The following KRABD3 variants were observed in gnomAD, a reference collection of about 807,000 sequenced individuals.
KRABD3 encodes KRAB domain containing 3.
At chr7:149,721,398 C>G in the KRABD3 span, 3 of 1,607,080 alleles carry the variant, frequency 1.9e-6, no homozygotes, top group Non-Finnish European at 2.5e-6. Flanking sequence ...GCAAGAGAGC[C>G]CTGCCCTCTC....
the KRABD3 span, chr7:149,724,775 G>A: frequency 1.5e-5 from 24 of 1,583,734 alleles, no homozygotes; most frequent in Non-Finnish European, 2.0e-5. Flanking sequence ...CAGCCTGGCA[G>A]GCAGCCCCTC....
the KRABD3 span, chr7:149,733,231 C>G: frequency 3.1e-6 from 5 of 1,607,904 alleles, no homozygotes; most frequent in South Asian, 4.4e-5. Context: ...GGCTGCTCCC[C>G]CAGGGCCCGC....
chr7:149,720,930 G>A, the KRABD3 span: 29 of 1,613,568 alleles, frequency 1.8e-5, no homozygotes, highest in Non-Finnish European at 2.4e-5. Flanking sequence ...GGGCGCTATG[G>A]ACAGCCCCGA....
At chr7:149,720,842 G>T in the KRABD3 span, 1 of 1,588,508 alleles carries the variant, frequency 6.3e-7, no homozygotes, top group Admixed American at 1.8e-5. Context: ...CAGGGGGACA[G>T]CCCCGGCACA....
At chr7:149,728,540 T>A in the KRABD3 span, 1 of 1,613,394 alleles carries the variant, frequency 6.2e-7, no homozygotes, top group Non-Finnish European at 8.5e-7. Context: ...ACCAGGAAGC[T>A]CCCCACTGCA....
chr7:149,714,963 G>A, the KRABD3 span: 1 of 1,088,576 alleles, frequency 9.2e-7, no homozygotes, highest in Non-Finnish European at 1.2e-6. Context: ...CTTCTCCTGC[G>A]CGGACCTGGG....
chr7:149,734,395 C>T, the KRABD3 span: 11 of 244,494 alleles, frequency 4.5e-5, no homozygotes, highest in South Asian at 3.0e-4. Flanking sequence ...ACAGCTAGAG[C>T]GGCCAGGAGA....
At chr7:149,733,335 A>G in the KRABD3 span, 1 of 1,612,318 alleles carries the variant, frequency 6.2e-7, no homozygotes, top group Non-Finnish European at 8.5e-7. Flanking sequence ...CCGCCATGCC[A>G]CTGTGGGAAG....
chr7:149,731,644 C>T, the KRABD3 span: 1 of 1,554,410 alleles, frequency 6.4e-7, no homozygotes, highest in Non-Finnish European at 8.8e-7. Context: ...CGTCTCCCTG[C>T]CCCAAGGTCT....
At chr7:149,727,717 G>A in the KRABD3 span, among the ~76,000 whole-genome samples, 1 of 152,228 alleles carries the variant, frequency 6.6e-6, no homozygotes, top group African/African-American at 2.4e-5. Flanking sequence ...AACCCAAACT[G>A]CAGGATATTT....
chr7:149,731,371 C>T, the KRABD3 span, among the ~76,000 whole-genome samples: 2 of 152,320 alleles, frequency 1.3e-5, no homozygotes, highest in South Asian at 4.1e-4. Flanking sequence ...GATGCCCCAG[C>T]ACGCCCTTGG....
chr7:149,720,766 A>G, the KRABD3 span: 24 of 1,443,658 alleles, frequency 1.7e-5, no homozygotes, highest in Non-Finnish European at 2.1e-5. Flanking sequence ...TGGGTGTGAA[A>G]ACACGCACGT....
chr7:149,716,899 T>C, the KRABD3 span, among the ~76,000 whole-genome samples: 329 of 152,298 alleles, frequency 2.2e-3, 1 homozygote, highest in African/African-American at 7.2e-3. Context: ...AATACCTCTA[T>C]GAGGTAGGTT....
the KRABD3 span, chr7:149,734,119 C>T: frequency 6.7e-7 from 1 of 1,492,734 alleles, no homozygotes; most frequent in South Asian, 1.4e-5. Context: ...CCTGTCACCC[C>T]ACCCCAGGCC....
chr7:149,721,672 A>G, the KRABD3 span: 1 of 989,980 alleles, frequency 1.0e-6, no homozygotes, highest in Non-Finnish European at 1.5e-6. Context: ...TTTTGTTAAC[A>G]AAGTACGCCA....
chr7:149,729,617 A>G, the KRABD3 span: 2 of 985,232 alleles, frequency 2.0e-6, no homozygotes, highest in Non-Finnish European at 2.4e-6. Flanking sequence ...TCTCCAGTGG[A>G]GAAGCTTCTT....
At chr7:149,733,678 T>G in the KRABD3 span, 23 of 1,585,682 alleles carry the variant, frequency 1.5e-5, no homozygotes, top group Non-Finnish European at 2.0e-5. Context: ...GAGGGACCGC[T>G]CGCCGGGCAC....
chr7:149,731,518 A>C, the KRABD3 span, among the ~76,000 whole-genome samples: 1 of 152,252 alleles, frequency 6.6e-6, no homozygotes, highest in Admixed American at 6.5e-5. Flanking sequence ...CCCTGCCACC[A>C]GAATTAGGCT....
At chr7:149,729,242 C>T in the KRABD3 span, 33 of 1,598,778 alleles carry the variant, frequency 2.1e-5, no homozygotes, top group African/African-American at 2.7e-5. Context: ...AGGGGAGAAG[C>T]GCCCACCCGG....
Sources: allele counts gnomAD v4.1 joint callset (sites outside exome capture counted in the v4.1 genomes callset), GRCh38; gene constraint gnomAD v4.1.1; transcripts MANE v1.5; gene names NCBI Gene and HGNC (gene_info 2026-07-23, HGNC 2026-07-21).